GPHN: variants seen among roughly 807,000 people sequenced by gnomAD.
GPHN encodes the protein gephyrin.
A neutral mutation model predicts 95.5 loss-of-function variants in GPHN; 17 were observed. The ratio of observed to expected loss-of-function variants is 0.18; its 90% CI spans 0.12 to 0.27. GPHN has a LOEUF of 0.27. Among genes scored for constraint, GPHN ranks in the 10% least tolerant of loss-of-function variants. The pLI, the probability that GPHN is intolerant of heterozygous loss-of-function variation, is 1.00. For missense variants in GPHN, 660 were observed against 978.1 expected (o/e 0.67, Z 4.34); for synonymous variants, 320 against 322.5 (o/e 0.99, Z 0.08).
At chr14:67,359,632 G>A in the GPHN span, 155 of 1,613,604 alleles carry the variant, frequency 9.6e-5, no homozygotes, top group Non-Finnish European at 1.2e-4. Flanking sequence ...ACCTGTGAAA[G>A]CGGCTTATCC....
chr14:67,213,411 G>C, the GPHN span, among the ~76,000 whole-genome samples: 4 of 141,034 alleles, frequency 2.8e-5, no homozygotes, highest in African/African-American at 8.0e-5. Context: ...GAGAATATGC[G>C]GTGTTTGGTT....
At chr14:67,210,550 A>G in the GPHN span, among the ~76,000 whole-genome samples, 2 of 152,352 alleles carry the variant, frequency 1.3e-5, no homozygotes, top group South Asian at 2.1e-4. Context: ...GTCTGGGAAG[A>G]AACCACAGTT....
chr14:67,619,581 G>C, the GPHN span, among the ~76,000 whole-genome samples: 231 of 152,374 alleles, frequency 1.5e-3, 2 homozygotes, highest in African/African-American at 5.3e-3. Context: ...GATTGGTGTC[G>C]GCTCCTGCGT....
intron 9 of GPHN, among the ~76,000 whole-genome samples, chr14:67,018,437 A>T (rs567027915): frequency 6.6e-6 from 1 of 152,258 alleles, no homozygotes; most frequent in African/African-American, 2.4e-5. Flanking sequence ...AAAATAAGCA[A>T]CAGTGTATTC....
chr14:67,374,829 C>T, the GPHN span, among the ~76,000 whole-genome samples: 1 of 152,136 alleles, frequency 6.6e-6, no homozygotes, highest in Non-Finnish European at 1.5e-5. Flanking sequence ...GTCTCAGACC[C>T]TGAGCTTCAA....
intron 5 of GPHN, among the ~76,000 whole-genome samples, chr14:66,880,350 T>TTTGTTG (rs35170352): frequency 1.0e-4 from 15 of 150,470 alleles, no homozygotes; most frequent in South Asian, 2.1e-4. Context: ...TTCACTTCTT[T>TTTGTTG]TTGTTGTTGT....
At chr14:67,041,091 A>G (rs2074677052) in intron 10 of GPHN, among the ~76,000 whole-genome samples, 1 of 152,070 alleles carries the variant, frequency 6.6e-6, no homozygotes, top group South Asian at 2.1e-4. Context: ...TTCTTCATGT[A>G]ACAGCTGACC....
At chr14:66,706,453 A>G (rs1347733726) in intron 2 of GPHN, among the ~76,000 whole-genome samples, 3 of 152,220 alleles carry the variant, frequency 2.0e-5, no homozygotes, top group African/African-American at 7.2e-5. Context: ...TGGTAGTGGT[A>G]CCAAAACAGG....
At chr14:66,523,983 ATGCTATT>A (rs2139843179) in intron 1 of GPHN, among the ~76,000 whole-genome samples, 1 of 152,196 alleles carries the variant, frequency 6.6e-6, no homozygotes, top group South Asian at 2.1e-4. Flanking sequence ...GAGTTAGAAG[ATGCTATT>A]TGTAGTGTAG....
At chr14:67,641,882 G>T in the GPHN span, among the ~76,000 whole-genome samples, 4 of 152,114 alleles carry the variant, frequency 2.6e-5, no homozygotes, top group African/African-American at 9.7e-5. Context: ...CTTTAAGATT[G>T]TTGGTTCTTT....
the GPHN span, chr14:67,382,522 A>C: frequency 6.2e-7 from 1 of 1,613,952 alleles, no homozygotes; most frequent in East Asian, 2.2e-5. Context: ...TTCTGTCCTC[A>C]GTCAAGCTAT....
intron 9 of GPHN, among the ~76,000 whole-genome samples, chr14:66,984,276 G>C (rs2070875813): frequency 6.6e-6 from 1 of 152,154 alleles, no homozygotes. Context: ...AACAGCACAA[G>C]AGGATGAGCA....
At chr14:67,644,263 A>G in the GPHN span, among the ~76,000 whole-genome samples, 3 of 152,206 alleles carry the variant, frequency 2.0e-5, no homozygotes, top group Non-Finnish European at 4.4e-5. Context: ...AGTTTAACAT[A>G]TATTACTACT....
intron 4 of GPHN, among the ~76,000 whole-genome samples, chr14:66,871,246 G>A (rs1245798499): frequency 6.6e-6 from 1 of 152,100 alleles, no homozygotes; most frequent in Admixed American, 6.6e-5. Flanking sequence ...GTGCTTTGAA[G>A]TATCAATTTT....
the GPHN span, among the ~76,000 whole-genome samples, chr14:67,295,340 A>C: frequency 6.6e-6 from 1 of 151,836 alleles, no homozygotes. Flanking sequence ...AAATACAAAA[A>C]TTAGCTGGCT....
At chr14:67,026,625 C>T (rs1594857722) in intron 10 of GPHN, among the ~76,000 whole-genome samples, 3 of 151,896 alleles carry the variant, frequency 2.0e-5, no homozygotes, top group Admixed American at 2.0e-4. Flanking sequence ...ATTTTATAGC[C>T]CACATTTTTT....
chr14:67,014,301 G>C lies in GPHN; in HGVS notation c.964-9332G>C, dbSNP rs78213028. On this transcript the variant is annotated intron_variant, in intron 9 of 22. Transcript: ENST00000478722. ...TTCTTTACAAATATCTTATGAGATAGATGTTATTATTATCTTCACTTATAC... is the reference window on the plus strand; with the variant it reads ...TTCTTTACAAATATCTTATGAGATACATGTTATTATTATCTTCACTTATAC... Among the ~76,000 whole-genome samples the C allele has an allele frequency of 7.3e-3, 1,107 of 152,216 alleles. 2 individuals are homozygous for C. Among genetic ancestry groups the C allele is most frequent in the Non-Finnish European group, 0.013 (869 of 67,990 alleles).
the GPHN span, chr14:67,359,916 T>C: frequency 1.8e-6 from 1 of 571,304 alleles, no homozygotes; most frequent in Non-Finnish European, 3.1e-6. Context: ...GTTGCCCGGA[T>C]GTCGAGGCGC....
At chr14:66,839,520 A>G (rs569863770) in intron 4 of GPHN, among the ~76,000 whole-genome samples, 5 of 152,340 alleles carry the variant, frequency 3.3e-5, no homozygotes, top group Admixed American at 1.3e-4. Context: ...ATGCAGTTTT[A>G]CAAAATTTTT....
Sources: allele counts gnomAD v4.1 joint callset (sites outside exome capture counted in the v4.1 genomes callset), GRCh38; gene constraint gnomAD v4.1.1; transcripts MANE v1.5; gene names NCBI Gene and HGNC (gene_info 2026-07-23, HGNC 2026-07-21).